The following C12orf54 variants were observed in gnomAD, a reference collection of about 807,000 sequenced individuals.
C12orf54 encodes the protein uncharacterized protein C12orf54.
In C12orf54, 24 loss-of-function variants were observed where a neutral mutation model predicts 26.4. The ratio of observed to expected loss-of-function variants is 0.91; its 90% confidence interval spans 0.66 to 1.28. The LOEUF (loss-of-function observed/expected upper bound fraction) is 1.28. Ranked by LOEUF, C12orf54 falls within the 50% of genes most tolerant of loss-of-function variation. The pLI, the probability that C12orf54 is intolerant of heterozygous loss-of-function variation, is 0.00. For missense variants in C12orf54, 154 were observed against 150.9 expected, an observed-to-expected ratio of 1.02 and a Z score of -0.11; for synonymous variants, 54 against 47.0, an observed-to-expected ratio of 1.15 and a Z score of -0.61.
rs769702792 is a variant in C12orf54 at position 48,493,013 on chromosome 12, G to A, written c.242+18G>A. On this transcript the variant is annotated intron_variant, in intron 7 of 8. Transcript: ENST00000548364. ...AGGACTGGGTAAGTGTCCCTATTCT[G>A]ACAATGTTCAAGGGAGATGGCACCC... The A allele has an allele frequency of 3.7e-6, 6 of 1,611,652 alleles. No homozygotes were observed. Among genetic ancestry groups the A allele is most frequent in the Admixed American group, 1.7e-5 (1 of 59,996 alleles).
chr12:48,434,701 C>A, the C12orf54 span, among the ~76,000 whole-genome samples: 1 of 152,142 alleles, frequency 6.6e-6, no homozygotes, highest in African/African-American at 2.4e-5. Context: ...AGCTGAGGGT[C>A]CTGACTGTTA....
chr12:48,428,494 C>A, the C12orf54 span, among the ~76,000 whole-genome samples: 53 of 152,130 alleles, frequency 3.5e-4, no homozygotes, highest in African/African-American at 1.2e-3. Flanking sequence ...GATATTACAA[C>A]TGACACCATA....
the C12orf54 span, among the ~76,000 whole-genome samples, chr12:48,459,281 C>CT: frequency 8.5e-5 from 13 of 152,296 alleles, no homozygotes; most frequent in African/African-American, 2.9e-4. Flanking sequence ...TTCCAGTCCT[C>CT]TGTCTGAGCA....
the C12orf54 span, among the ~76,000 whole-genome samples, chr12:48,414,579 C>A: frequency 6.6e-6 from 1 of 152,208 alleles, no homozygotes; most frequent in Non-Finnish European, 1.5e-5. Context: ...TGGCTCCTAG[C>A]CAGTTTGTGT....
chr12:48,421,718 C>T, the C12orf54 span, among the ~76,000 whole-genome samples: 25,644 of 151,562 alleles, frequency 0.17, 2,968 homozygotes, highest in Non-Finnish European at 0.26. Context: ...TTAGTAGAGA[C>T]GGGGTTTCAC....
intron 7 of C12orf54, among the ~76,000 whole-genome samples, chr12:48,494,122 G>A (rs1418357266): frequency 6.9e-6 from 1 of 145,470 alleles, no homozygotes; most frequent in East Asian, 2.1e-4. Flanking sequence ...GGGAGGCTGA[G>A]GCAGGAGAAT....
At chr12:48,414,779 G>A in the C12orf54 span, among the ~76,000 whole-genome samples, 1 of 152,124 alleles carries the variant, frequency 6.6e-6, no homozygotes, top group Admixed American at 6.5e-5. Context: ...TGTGGTCTAG[G>A]GAAAGACCAT....
intron 2 of C12orf54, 66 bp from the exon 3 acceptor site, chr12:48,486,112 G>A (rs1954258813): frequency 6.9e-7 from 1 of 1,454,786 alleles, no homozygotes; most frequent in Non-Finnish European, 9.6e-7. Context: ...ATAGAATAGA[G>A]TTAGGAGAAG....
chr12:48,433,953 G>A, the C12orf54 span, among the ~76,000 whole-genome samples: 1 of 152,178 alleles, frequency 6.6e-6, no homozygotes, highest in Non-Finnish European at 1.5e-5. Flanking sequence ...ATGAGCCAAA[G>A]CAGGGCGAGC....
the C12orf54 span, among the ~76,000 whole-genome samples, chr12:48,423,144 T>C: frequency 6.6e-6 from 1 of 152,160 alleles, no homozygotes; most frequent in African/African-American, 2.4e-5. Flanking sequence ...GAGTTGTTTT[T>C]GTTTTATATG....
the C12orf54 span, among the ~76,000 whole-genome samples, chr12:48,451,947 C>T: frequency 6.6e-6 from 1 of 152,164 alleles, no homozygotes; most frequent in East Asian, 1.9e-4. Flanking sequence ...TCCCATTAAA[C>T]TACCATTGAT....
the C12orf54 span, among the ~76,000 whole-genome samples, chr12:48,432,260 G>A: frequency 1.2e-4 from 19 of 152,018 alleles, no homozygotes; most frequent in African/African-American, 4.6e-4. Flanking sequence ...CATGCCTATT[G>A]TGTGACAGAC....
At chr12:48,429,406 T>C in the C12orf54 span, among the ~76,000 whole-genome samples, 1 of 152,026 alleles carries the variant, frequency 6.6e-6, no homozygotes, top group African/African-American at 2.4e-5. Context: ...TATGACTGTT[T>C]ACCTCAAAAA....
At chr12:48,493,322 A>G (rs1295647043) in intron 7 of C12orf54, among the ~76,000 whole-genome samples, 1 of 152,182 alleles carries the variant, frequency 6.6e-6, no homozygotes, top group Non-Finnish European at 1.5e-5. Flanking sequence ...AAGGAAGGCC[A>G]CAAAGAAGGA....
At chr12:48,451,695 C>T in the C12orf54 span, among the ~76,000 whole-genome samples, 1 of 152,082 alleles carries the variant, frequency 6.6e-6, no homozygotes, top group Non-Finnish European at 1.5e-5. Context: ...TATACACCAA[C>T]AACAGGCAAG....
At chr12:48,428,747 A>G in the C12orf54 span, among the ~76,000 whole-genome samples, 2 of 152,140 alleles carry the variant, frequency 1.3e-5, no homozygotes, top group Middle Eastern at 3.2e-3. Flanking sequence ...CATAAAGAAG[A>G]ATTGGTACCA....
At chr12:48,473,408 T>G in the C12orf54 span, 7 of 760,700 alleles carry the variant, frequency 9.2e-6, no homozygotes, top group Non-Finnish European at 1.6e-5. Flanking sequence ...GAGAAGACGA[T>G]GCCTAAGTGG....
the C12orf54 span, among the ~76,000 whole-genome samples, chr12:48,436,987 A>C: frequency 3.3e-5 from 5 of 150,826 alleles, no homozygotes; most frequent in South Asian, 2.1e-4. Context: ...TGAAAAGATC[A>C]ACAAAATTGA....
At chr12:48,433,429 C>T in the C12orf54 span, among the ~76,000 whole-genome samples, 1 of 141,840 alleles carries the variant, frequency 7.1e-6, no homozygotes, top group African/African-American at 2.7e-5. Flanking sequence ...ATTCAAAGTA[C>T]AGTTACTGTG....
Sources: allele counts gnomAD v4.1 joint callset (sites outside exome capture counted in the v4.1 genomes callset), GRCh38; gene constraint gnomAD v4.1.1; transcripts MANE v1.5; gene names NCBI Gene and HGNC (gene_info 2026-07-23, HGNC 2026-07-21).